ALK: variants seen among roughly 807,000 people sequenced by gnomAD.
ALK encodes the protein ALK tyrosine kinase receptor.
Under a neutral mutation model 163.1 loss-of-function variants are expected in ALK, and 74 were observed. The ratio of observed to expected loss-of-function variants is 0.45; its 90% CI spans 0.38 to 0.55. The LOEUF (loss-of-function observed/expected upper bound fraction) is 0.55. Among genes scored for constraint, ALK ranks in the 20% least tolerant of loss-of-function variants. ALK has a pLI of 0.00. For synonymous variants in ALK, 960 were observed against 843.2 expected (o/e 1.14, Z -2.40); for missense variants, 2,063 against 2,105.3 (o/e 0.98, Z 0.39).
chr2:29,724,873 G>A (rs1441531362), intron 1 of ALK, among the ~76,000 whole-genome samples: 9 of 152,164 alleles, frequency 5.9e-5, no homozygotes, highest in African/African-American at 2.2e-4. Flanking sequence ...TCCTGCCAGA[G>A]AAGTTTGTGC....
intron 4 of ALK, among the ~76,000 whole-genome samples, chr2:29,414,489 G>T (rs889459272): frequency 6.6e-6 from 1 of 152,058 alleles, no homozygotes; most frequent in African/African-American, 2.4e-5. Context: ...TTCTCTCCCT[G>T]CGAGTAGGTC....
At chr2:29,438,574 C>A (rs1670460051) in intron 4 of ALK, among the ~76,000 whole-genome samples, 1 of 152,166 alleles carries the variant, frequency 6.6e-6, no homozygotes, top group Non-Finnish European at 1.5e-5. Context: ...TCAAACAAAA[C>A]TCAAAGAAAT....
chr2:29,600,616 GGCT>G (rs1675355439), intron 3 of ALK, among the ~76,000 whole-genome samples: 1 of 152,154 alleles, frequency 6.6e-6, no homozygotes, highest in Non-Finnish European at 1.5e-5. Flanking sequence ...ATATCGTGGG[GGCT>G]GCTCACGTGC....
At chr2:29,304,000 C>G (rs1666437801) in intron 8 of ALK, among the ~76,000 whole-genome samples, 1 of 152,164 alleles carries the variant, frequency 6.6e-6, no homozygotes, top group South Asian at 2.1e-4. Flanking sequence ...CATAACGTAA[C>G]AAACCTGCAT....
chr2:29,684,122 G>A (rs1465304047), intron 3 of ALK, among the ~76,000 whole-genome samples: 1 of 152,072 alleles, frequency 6.6e-6, no homozygotes, highest in Non-Finnish European at 1.5e-5. Context: ...ATCCCTTCAA[G>A]CATAAATTCA....
intron 1 of ALK, among the ~76,000 whole-genome samples, chr2:29,831,201 AAGG>A (rs1388764290): frequency 0.084 from 5,821 of 69,684 alleles, 1,729 homozygotes; most frequent in East Asian, 0.26. Context: ...GGGGAAGGGG[AAGG>A]GGAAGAGGAA....
intron 3 of ALK, among the ~76,000 whole-genome samples, chr2:29,584,076 A>C (rs1674801230): frequency 6.6e-6 from 1 of 152,152 alleles, no homozygotes; most frequent in African/African-American, 2.4e-5. Flanking sequence ...GGGTAGGGTA[A>C]GTCAGGGGGT....
intron 3 of ALK, among the ~76,000 whole-genome samples, chr2:29,619,000 T>TA (rs57869697): frequency 3.0e-3 from 442 of 147,916 alleles, no homozygotes; most frequent in Non-Finnish European, 4.8e-3. Flanking sequence ...AAAAAATAAA[T>TA]AAAAAAAAAA....
intron 3 of ALK, among the ~76,000 whole-genome samples, chr2:29,546,231 C>T (rs910944236): frequency 6.6e-6 from 1 of 152,078 alleles, no homozygotes; most frequent in Non-Finnish European, 1.5e-5. Context: ...TTTTCTTTTA[C>T]ATCAATGGAT....
intron 4 of ALK, among the ~76,000 whole-genome samples, chr2:29,459,051 A>T (rs988145507): frequency 1.3e-4 from 20 of 152,178 alleles, no homozygotes; most frequent in African/African-American, 3.9e-4. Context: ...GTCCACCTTC[A>T]GTAGGACTGA....
chr2:29,194,679 A>G (rs1443728160), intron 28 of ALK, among the ~76,000 whole-genome samples: 2 of 27,790 alleles, frequency 7.2e-5, no homozygotes, highest in Non-Finnish European at 1.4e-4. Context: ...CACCCCCGCT[A>G]ATTTTTGTGT....
chr2:29,468,961 G>T (rs1043243479), intron 4 of ALK, among the ~76,000 whole-genome samples: 2 of 149,486 alleles, frequency 1.3e-5, no homozygotes, highest in Non-Finnish European at 3.0e-5. Context: ...TTGAACTTTT[G>T]CAATCAGACT....
At chr2:29,371,283 C>T (rs998097140) in intron 5 of ALK, among the ~76,000 whole-genome samples, 4 of 152,200 alleles carry the variant, frequency 2.6e-5, no homozygotes, top group Admixed American at 1.3e-4. Flanking sequence ...TTAAAATAAC[C>T]AGAATAAAAA....
At chr2:29,638,453 G>A (rs887505232) in intron 3 of ALK, among the ~76,000 whole-genome samples, 22 of 146,954 alleles carry the variant, frequency 1.5e-4, no homozygotes, top group African/African-American at 5.5e-4. Context: ...TGACAGCCAG[G>A]ACAGCTTCGA....
chr2:29,220,845 A>G lies in ALK; in HGVS notation c.3516-10T>C. 6.2e-7 allele frequency: 1 copy of G among 1,614,008 alleles called. No individual in the cohort carries two copies. Among genetic ancestry groups the G allele is most frequent in the Non-Finnish European group, 8.5e-7 (1 of 1,179,888 alleles). On this transcript the variant is annotated splice_polypyrimidine_tract_variant and intron_variant, in intron 22 of 28. Transcript: ENST00000389048. The stretch of plus-strand genomic sequence containing the variant: ...CTGGTGGTTGAATTTGCTGCAGAGC[A>G]GAGAGGGATGTAACCAAAATTAACT...
intron 3 of ALK, among the ~76,000 whole-genome samples, chr2:29,651,792 T>C (rs1057305503): frequency 1.3e-5 from 2 of 152,152 alleles, no homozygotes; most frequent in African/African-American, 4.8e-5. Flanking sequence ...TTCAACTGAG[T>C]TTTCATAGAA....
intron 1 of ALK, among the ~76,000 whole-genome samples, chr2:29,749,197 T>C (rs1301421881): frequency 6.6e-6 from 1 of 152,080 alleles, no homozygotes; most frequent in South Asian, 2.1e-4. Flanking sequence ...CCCCAGGGTT[T>C]CTGATTCAGT....
intron 3 of ALK, among the ~76,000 whole-genome samples, chr2:29,631,106 T>C (rs1165303843): frequency 6.6e-6 from 1 of 152,224 alleles, no homozygotes; most frequent in Non-Finnish European, 1.5e-5. Context: ...ATAACACATG[T>C]TCATAGTTAT....
chr2:29,489,899 C>T (rs4267473), intron 4 of ALK, among the ~76,000 whole-genome samples: 57,612 of 152,080 alleles, frequency 0.38, 11,380 homozygotes, highest in East Asian at 0.69. Flanking sequence ...AAGCCAATAG[C>T]AGGCAATGCT....
Sources: gnomAD v4.1 joint callset for allele counts (sites outside exome capture counted in the v4.1 genomes callset) on GRCh38, gnomAD v4.1.1 for gene constraint, MANE v1.5 for transcripts, NCBI Gene and HGNC (gene_info 2026-07-23, HGNC 2026-07-21) for gene names.